Variants in DNAH17 observed in about 807,000 individuals in gnomAD.
DNAH17 encodes the protein dynein axonemal heavy chain 17.
In DNAH17, 376 loss-of-function variants were observed where a neutral mutation model predicts 485.6. The observed-to-expected ratio is 0.77, with a 90% CI of 0.71 to 0.84. DNAH17 has a LOEUF of 0.84. Among genes scored for constraint, DNAH17 ranks in the 40% least tolerant of loss-of-function variants. The pLI, the probability that DNAH17 is intolerant of heterozygous loss-of-function variation, is 0.00. For missense variants in DNAH17, 6,370 were observed against 5,839.3 expected, an observed-to-expected ratio of 1.09 and a Z score of -2.96; for synonymous variants, 3,031 against 2,405.9, an observed-to-expected ratio of 1.26 and a Z score of -7.60.
intron 25 of DNAH17, among the ~76,000 whole-genome samples, chr17:78,518,647 G>A (rs1373916923): frequency 6.6e-6 from 1 of 152,166 alleles, no homozygotes; most frequent in East Asian, 1.9e-4. Context: ...CCAACTGACA[G>A]GATCTAATTG....
intron 12 of DNAH17, 146 bp from the exon 13 acceptor site, chr17:78,561,081 G>A: frequency 1.3e-6 from 1 of 757,116 alleles, no homozygotes. Flanking sequence ...ATGCAAACAA[G>A]CAGTGGCCAG....
intron 55 of DNAH17, among the ~76,000 whole-genome samples, chr17:78,468,010 C>A: frequency 8.4e-6 from 1 of 119,052 alleles, no homozygotes. Flanking sequence ...AAGTGAAACT[C>A]CATCTCAAAA....
chr17:78,426,913 G>A lies in DNAH17; in HGVS notation c.12771+13C>T, dbSNP rs751183775. 16 of 1,593,584 alleles carry A rather than the reference G, an allele frequency of 1.0e-5. No homozygotes were observed. The highest frequency in any genetic ancestry group is 1.4e-5 in the Non-Finnish European group (16 of 1,169,960). On this transcript the variant is annotated intron_variant, in intron 78 of 80. Coordinates refer to ENST00000389840, the MANE Select transcript of DNAH17 (RefSeq NM_173628.4). ...CCAGCCACGTCCCTGGGGCCGGGCT[G>A]ACCCATGTTTACCTTCAGCCCCAGG...
chr17:78,432,193 A>AATAT (rs1462291537), intron 75 of DNAH17, among the ~76,000 whole-genome samples: 1 of 148,196 alleles, frequency 6.7e-6, no homozygotes. Flanking sequence ...TAAATAAATA[A>AATAT]ATAAATAAAT....
intron 65 of DNAH17, among the ~76,000 whole-genome samples, chr17:78,452,176 C>G (rs2087582768): frequency 6.6e-6 from 1 of 150,924 alleles, no homozygotes; most frequent in African/African-American, 2.5e-5. Context: ...CTCCCAGAGT[C>G]TAGGACCTCT....
At position 78,566,612 on chromosome 17, in the gene DNAH17, A is replaced by T. The variant is rs758199678; in HGVS notation, c.1569+2T>A. The T allele has an allele frequency of 6.3e-7, 1 of 1,598,448 alleles. No individual in the cohort carries two copies. On this transcript the variant is annotated splice_donor_variant, in intron 11 of 80. Coordinates refer to ENST00000389840, the MANE Select transcript of DNAH17 (RefSeq NM_173628.4). LOFTEE classifies it high-confidence loss of function. Reference sequence around the variant, plus strand: ...CTGCCTGCGTCTCCACTGCATGCTTACCTTTGCGGAGGACTTGATACAGCT... The same window carrying T: ...CTGCCTGCGTCTCCACTGCATGCTTTCCTTTGCGGAGGACTTGATACAGCT...
At chr17:78,468,954 AACCAG>A (rs2088618042) in intron 54 of DNAH17, 71 bp from the exon 55 acceptor site, 1 of 1,533,832 alleles carries the variant, frequency 6.5e-7, no homozygotes, top group Non-Finnish European at 8.7e-7. Flanking sequence ...CTCCACAACC[AACCAG>A]AGCACAGGGC....
Position 78,454,457 on chromosome 17 carries a change from C to G in DNAH17, c.10406+13G>C. 3.1e-6 allele frequency: 5 copies of G among 1,600,408 alleles called. No individual in the cohort carries two copies. Among genetic ancestry groups the G allele is most frequent in the Non-Finnish European group, 4.3e-6 (5 of 1,172,350 alleles). ...GAGCCGGGCTTCGGCCCAGGTCCTG[C>G]GCCCGCACACACCTCTTCTGTCCCA... On this transcript the variant is annotated intron_variant, in intron 64 of 80. Transcript: ENST00000389840.
intron 13 of DNAH17, 30 bp downstream of exon 13, chr17:78,560,710 T>C: frequency 3.3e-6 from 5 of 1,525,280 alleles, no homozygotes; most frequent in Non-Finnish European, 4.4e-6. Context: ...CCAAGGAGCC[T>C]TTGACGCGGT....
chr17:78,443,355 G>T (rs1165019839), intron 71 of DNAH17, among the ~76,000 whole-genome samples: 2 of 152,106 alleles, frequency 1.3e-5, no homozygotes, highest in African/African-American at 4.8e-5. Context: ...GCTTCCTCCA[G>T]CTCTGACCCT....
In DNAH17 at chr17:78,461,035, C is replaced by T. The variant is rs568121869; in HGVS notation, c.9339+509G>A. Among the ~76,000 whole-genome samples, 123 of 152,102 alleles carry T rather than the reference C, an allele frequency of 8.1e-4. 1 individual carries two copies. Among genetic ancestry groups the T allele is most frequent in the African/African-American group, 2.4e-3 (100 of 41,484 alleles). On this transcript the variant is annotated intron_variant, in intron 58 of 80. Coordinates refer to ENST00000389840, the MANE Select transcript of DNAH17 (RefSeq NM_173628.4). ...CTTCAGGCTCCAAAGATGATGAAGA[C>T]GCTCCCGCTAAGCCGTGGTTCTCAA...
chr17:78,458,566 T>C lies in DNAH17; in HGVS notation c.9976A>G (p.Arg3326Gly), dbSNP rs2087922297. ...ATNRVILLAN[R>G]LVGGLASENI... ...GTGGTCTCGGGGAGGAGCTGATACC[T>C]GTTCGCCAGTAAGATCACCCTGTTC... Residue 3326 changes from arginine (R) to glycine (G), a missense_variant and splice_region_variant, in exon 62 of 81, where the codon AGG (arginine) becomes GGG (glycine). Physicochemically the swap from Arg to Gly is moderately radical, Grantham distance 125 (BLOSUM62 -2). Coordinates refer to ENST00000389840, the MANE Select transcript of DNAH17 (RefSeq NM_173628.4). 1 of 1,613,344 alleles carries C rather than the reference T, an allele frequency of 6.2e-7. No individual in the cohort carries two copies. The highest frequency in any genetic ancestry group is 8.5e-7 in the Non-Finnish European group (1 of 1,179,302).
intron 37 of DNAH17, 107 bp downstream of exon 37, chr17:78,498,901 G>A (rs1168301704): frequency 2.4e-6 from 2 of 835,320 alleles, no homozygotes; most frequent in Admixed American, 3.2e-5. Context: ...TCGGTGCTTG[G>A]AACGTTGCAG....
intron 25 of DNAH17, among the ~76,000 whole-genome samples, chr17:78,523,341 C>G (rs1394582875): frequency 6.6e-6 from 1 of 152,060 alleles, no homozygotes; most frequent in Admixed American, 6.6e-5. Flanking sequence ...CCAGGCTGCT[C>G]TTGAACTCCT....
At position 78,526,060 on chromosome 17, in the gene DNAH17, C is replaced by T. The variant is rs35067470; in HGVS notation, c.3711+591G>A. Among the ~76,000 whole-genome samples, 1,425 of 152,306 alleles carry T rather than the reference C, an allele frequency of 9.4e-3. 33 individuals are homozygous for T. Among genetic ancestry groups the T allele is most frequent in the African/African-American group, 0.032 (1,351 of 41,574 alleles). On this transcript the variant is annotated intron_variant, in intron 24 of 80. Transcript: ENST00000389840. ...GGGCCCCACTGGGCCCCAAGAGGCC[C>T]CCCTGGGCCCTGAGCACCCCACATG...
chr17:78,504,627 T>C (rs2090424986), intron 31 of DNAH17, among the ~76,000 whole-genome samples: 1 of 152,114 alleles, frequency 6.6e-6, no homozygotes, highest in Admixed American at 6.6e-5. Flanking sequence ...GATGTTAAAA[T>C]GGTTTCTATT....
chr17:78,524,887 C>T (rs533638924), intron 25 of DNAH17, 122 bp downstream of exon 25: 1 of 1,399,606 alleles, frequency 7.1e-7, no homozygotes, highest in East Asian at 2.4e-5. Flanking sequence ...CTCCACCCAA[C>T]ACCAGAAACC....
intron 65 of DNAH17, among the ~76,000 whole-genome samples, chr17:78,452,035 A>G (rs915547089): frequency 6.6e-6 from 1 of 151,016 alleles, no homozygotes; most frequent in African/African-American, 2.4e-5. Context: ...CAGGACTGCA[A>G]CCCTGGGTCT....
At chr17:78,434,273 G>C (rs1373539135) in intron 74 of DNAH17, 53 bp from the exon 75 acceptor site, 23 of 1,538,268 alleles carry the variant, frequency 1.5e-5, no homozygotes, top group Non-Finnish European at 1.9e-5. Flanking sequence ...AGTTTACACA[G>C]AAATGCCCCT....
Sources: allele counts gnomAD v4.1 joint callset (sites outside exome capture counted in the v4.1 genomes callset), GRCh38; gene constraint gnomAD v4.1.1; transcripts MANE v1.5; gene names NCBI Gene and HGNC (gene_info 2026-07-23, HGNC 2026-07-21).